KAZN: variants seen among roughly 807,000 people sequenced by gnomAD.
The protein encoded by KAZN is kazrin, periplakin interacting protein, also known as kazrin.
In KAZN, 40 loss-of-function variants were observed where a neutral mutation model predicts 87.4. The observed-to-expected ratio is 0.46, with a 90% confidence interval of 0.36 to 0.60. KAZN has a LOEUF of 0.60. Among genes scored for constraint, KAZN ranks in the 20% least tolerant of loss-of-function variants. The pLI, the probability that KAZN is intolerant of heterozygous loss-of-function variation, is 0.00. For missense variants in KAZN, 898 were observed against 1,073.9 expected (o/e 0.84, Z 2.29); for synonymous variants, 466 against 458.3 (o/e 1.02, Z -0.22).
chr1:14,719,780 G>A (rs994323957), intron 1 of KAZN, among the ~76,000 whole-genome samples: 25 of 152,210 alleles, frequency 1.6e-4, no homozygotes, highest in African/African-American at 3.1e-4. Flanking sequence ...TGGAGGTTGC[G>A]GTGAGCCAAG....
At chr1:14,352,723 C>A (rs1658653198) in intron 2 of KAZN, among the ~76,000 whole-genome samples, 1 of 152,090 alleles carries the variant, frequency 6.6e-6, no homozygotes, top group Non-Finnish European at 1.5e-5. Flanking sequence ...AATACCTTTT[C>A]ATCAAATAGA....
intron 1 of KAZN, among the ~76,000 whole-genome samples, chr1:14,134,833 A>G (rs1210298098): frequency 6.6e-6 from 1 of 152,114 alleles, no homozygotes; most frequent in Non-Finnish European, 1.5e-5. Context: ...TGCCAGCAAT[A>G]AAGACGGAAA....
At chr1:14,342,540 T>C (rs1372194395) in intron 2 of KAZN, among the ~76,000 whole-genome samples, 1 of 152,238 alleles carries the variant, frequency 6.6e-6, no homozygotes, top group Admixed American at 6.5e-5. Flanking sequence ...CCTAGAACAA[T>C]ATCTTGCAGA....
intron 2 of KAZN, among the ~76,000 whole-genome samples, chr1:14,517,339 A>G (rs912744425): frequency 5.3e-5 from 8 of 152,128 alleles, no homozygotes; most frequent in African/African-American, 1.2e-4. Flanking sequence ...AAGCCAACAC[A>G]GAGAAAAGGA....
intron 1 of KAZN, among the ~76,000 whole-genome samples, chr1:14,019,832 GACTGGTTTCACGGA>G (rs1323762257): frequency 1.3e-5 from 2 of 152,148 alleles, no homozygotes; most frequent in Non-Finnish European, 2.9e-5. Flanking sequence ...CAGCACCAGG[GACTGGTTTCACGGA>G]AGACAATTTT....
At chr1:14,844,208 C>A (rs1648388294) in intron 1 of KAZN, among the ~76,000 whole-genome samples, 1 of 152,174 alleles carries the variant, frequency 6.6e-6, no homozygotes, top group Non-Finnish European at 1.5e-5. Flanking sequence ...TGAGCCCAGC[C>A]TTAGGAAAGC....
rs374375389 is a variant in KAZN at position 14,000,883 on chromosome 1, C to T, written c.91+107127C>T. On this transcript the variant is annotated intron_variant, in intron 1 of 16. Transcript: ENST00000636203. ...CTGCAAGCTCCGCCTCCCGGGTTCACGCCATTCTCCTGCCTCAGCCTCCCA... is the reference window on the plus strand; with the variant it reads ...CTGCAAGCTCCGCCTCCCGGGTTCATGCCATTCTCCTGCCTCAGCCTCCCA... Among the ~76,000 whole-genome samples the T allele has an allele frequency of 4.5e-3, 679 of 151,464 alleles. 9 individuals are homozygous for T. The highest frequency in any genetic ancestry group is 0.016 in the African/African-American group (651 of 41,390).
chr1:14,904,851 A>G (rs952415814), intron 1 of KAZN, among the ~76,000 whole-genome samples: 35 of 151,496 alleles, frequency 2.3e-4, no homozygotes, highest in Admixed American at 1.8e-3. Flanking sequence ...AAGCTCCGCC[A>G]CTCGGGTTCA....
chr1:15,009,433 C>A (rs938378796), intron 2 of KAZN, among the ~76,000 whole-genome samples: 6 of 152,212 alleles, frequency 3.9e-5, no homozygotes, highest in African/African-American at 1.4e-4. Context: ...AACAGGCAGA[C>A]CCAGAGTCAC....
At chr1:14,432,844 T>G (rs1666154546) in intron 2 of KAZN, among the ~76,000 whole-genome samples, 1 of 152,150 alleles carries the variant, frequency 6.6e-6, no homozygotes, top group Non-Finnish European at 1.5e-5. Flanking sequence ...TGTTCCTGTG[T>G]TAGTTTGCTG....
At chr1:14,826,958 C>T (rs1030664279) in intron 1 of KAZN, among the ~76,000 whole-genome samples, 67 of 152,162 alleles carry the variant, frequency 4.4e-4, no homozygotes, top group Non-Finnish European at 6.3e-4. Flanking sequence ...CCAAGCTCTC[C>T]GAGTCCCAGT....
chr1:13,937,929 T>A (rs1365909893), intron 1 of KAZN, among the ~76,000 whole-genome samples: 2 of 152,188 alleles, frequency 1.3e-5, no homozygotes, highest in African/African-American at 4.8e-5. Flanking sequence ...ACTTGTAGTA[T>A]CATTATAGTA....
chr1:13,980,050 G>T (rs554563130), intron 1 of KAZN, among the ~76,000 whole-genome samples: 8 of 152,004 alleles, frequency 5.3e-5, no homozygotes, highest in African/African-American at 1.9e-4. Flanking sequence ...TTCTGACATT[G>T]TCCAAGAAGT....
intron 1 of KAZN, among the ~76,000 whole-genome samples, chr1:14,786,805 G>C (rs1645522389): frequency 6.6e-6 from 1 of 152,196 alleles, no homozygotes; most frequent in Admixed American, 6.5e-5. Context: ...GAAGGATGTG[G>C]TGCTGACATC....
chr1:14,190,129 T>C (rs998244907), intron 2 of KAZN, among the ~76,000 whole-genome samples: 1 of 152,076 alleles, frequency 6.6e-6, no homozygotes, highest in African/African-American at 2.4e-5. Context: ...AGAAACACGA[T>C]GAGCCATTAA....
intron 1 of KAZN, among the ~76,000 whole-genome samples, chr1:14,122,136 C>T (rs1644765454): frequency 6.6e-6 from 1 of 151,918 alleles, no homozygotes; most frequent in South Asian, 2.1e-4. Context: ...AACAGGGAGA[C>T]CCAGGTGAGA....
At chr1:14,279,577 G>A (rs992843131) in intron 2 of KAZN, among the ~76,000 whole-genome samples, 5 of 152,150 alleles carry the variant, frequency 3.3e-5, no homozygotes, top group African/African-American at 1.2e-4. Flanking sequence ...TCATACAAGT[G>A]GTACCTTGGT....
rs140039403 is a variant in KAZN at position 14,608,125 on chromosome 1, G to A, written c.226+8902G>A. ...ACTGACCCTGAAATCTGCTCGCTTC[G>A]TTAAGACGAGAATATCCAGATGTCA... On this transcript the variant is annotated intron_variant, in intron 1 of 14. Transcript: ENST00000376030. Among the ~76,000 whole-genome samples, 431 of 152,328 alleles carry A rather than the reference G, an allele frequency of 2.8e-3. 2 individuals carry two copies. The highest frequency in any genetic ancestry group is 0.016 in the South Asian group (79 of 4,818).
chr1:14,157,724 C>T (rs112880783), intron 1 of KAZN, among the ~76,000 whole-genome samples: 4,267 of 152,092 alleles, frequency 0.028, 201 homozygotes, highest in African/African-American at 0.097. Context: ...TCCATTTTCC[C>T]ACTGCTACAA....
Sources: allele counts gnomAD v4.1 joint callset (sites outside exome capture counted in the v4.1 genomes callset), GRCh38; gene constraint gnomAD v4.1.1; transcripts MANE v1.5; gene names NCBI Gene and HGNC (gene_info 2026-07-23, HGNC 2026-07-21).